The following PRMT2 variants were observed in gnomAD, a reference collection of about 807,000 sequenced individuals.
PRMT2 encodes protein arginine methyltransferase 2.
A neutral mutation model predicts 57.6 loss-of-function variants in PRMT2; 26 were observed. The ratio of observed to expected loss-of-function variants is 0.45; its 90% CI spans 0.33 to 0.63. The LOEUF is 0.63. Ranked by LOEUF, PRMT2 falls within the 20% of genes least tolerant of loss-of-function variation. The pLI is 0.02. For synonymous variants in PRMT2, 219 were observed against 220.0 expected, an observed-to-expected ratio of 1.00 and a Z score of 0.04; for missense variants, 472 against 564.4, an observed-to-expected ratio of 0.84 and a Z score of 1.66.
chr21:46,664,405 T>C lies in PRMT2; in HGVS notation c.*78T>C. The C allele has an allele frequency of 1.9e-6, 3 of 1,559,968 alleles. No homozygotes were observed. The highest frequency in any genetic ancestry group is 2.7e-6 in the Non-Finnish European group (3 of 1,131,854). ...ACAAGCAAACCAAGTTGCACCTGGC[T>C]TCTGCACACTCCTGCGAAAGTCGGT... On this transcript the variant is annotated 3_prime_UTR_variant, in exon 12 of 12. Coordinates refer to ENST00000355680, the MANE Select transcript of PRMT2 (RefSeq NM_206962.4).
At chr21:46,654,877 A>C (rs1440789588) in intron 7 of PRMT2, 1 of 983,914 alleles carries the variant, frequency 1.0e-6, no homozygotes, top group African/African-American at 1.7e-5. Context: ...TGTATTCCTG[A>C]AACAGTCTTG....
chr21:46,650,241 T>G (rs1218757279), intron 7 of PRMT2, among the ~76,000 whole-genome samples: 2 of 151,550 alleles, frequency 1.3e-5, no homozygotes, highest in African/African-American at 4.9e-5. Context: ...GCACAAACGC[T>G]GTCTGCTTGG....
At chr21:46,645,276 A>G (rs866855938) in intron 5 of PRMT2, among the ~76,000 whole-genome samples, 39 of 149,194 alleles carry the variant, frequency 2.6e-4, no homozygotes, top group African/African-American at 9.9e-4. Flanking sequence ...CAAAAAAAAA[A>G]AAAATAGAAA....
rs879331340 is a variant in PRMT2, at chr21:46,665,080, T to A, written c.*753T>A. The A allele has an allele frequency of 6.6e-6, 1 of 152,186 alleles. No individual in the cohort carries two copies. Among genetic ancestry groups the A allele is most frequent in the Non-Finnish European group, 1.5e-5 (1 of 68,024 alleles). 9.4% of individuals were successfully genotyped at this position (152,186 alleles called of 1,614,324 possible). A position where few individuals can be genotyped will look rare whatever the true frequency, so the allele number is the denominator to read the frequency against. ...CATCAGTAGATACATGTCCATAATT[T>A]TTTTTTGTATTGTTTTGATTTTTAT... is the stretch of plus-strand genomic sequence containing the variant. On this transcript the variant is annotated 3_prime_UTR_variant, in exon 12 of 12. Transcript: ENST00000355680.
In PRMT2 at chr21:46,649,233, C is replaced by T. The variant is rs2061411949; in HGVS notation, c.490-342C>T. 6.6e-6 allele frequency among the ~76,000 whole-genome samples: 1 copy of T among 152,184 alleles called. No homozygotes were observed. Among genetic ancestry groups the T allele is most frequent in the East Asian group, 1.9e-4 (1 of 5,192 alleles). Reference sequence around the variant, plus strand: ...GACAGGCCTCAGATGTGGCACAGACCAGCATTGTCACTTGGGTGCTAAGAA... The same window carrying T: ...GACAGGCCTCAGATGTGGCACAGACTAGCATTGTCACTTGGGTGCTAAGAA... On this transcript the variant is annotated intron_variant, in intron 6 of 11. Transcript: ENST00000355680. The surrounding 1 kb of genome is among the most constrained non-coding windows in gnomAD (Gnocchi z 4.8).
chr21:46,664,314 C>G lies in PRMT2; in HGVS notation c.1289C>G (p.Pro430Arg). 6.2e-7 allele frequency: 1 copy of G among 1,613,968 alleles called. No individual in the cohort carries two copies. Among genetic ancestry groups the G allele is most frequent in the Non-Finnish European group, 8.5e-7 (1 of 1,179,864 alleles). ...TTTCAGGTTGGAGAAAAAGTCTTCC[C>G]CATCTGGAGATGACAGTTGATGCTT... ...TSQKVGEKVF[P>R]IWR is the part of the protein sequence containing the mutation. The change falls in exon 12 of 12, where the codon CCC becomes CGC. Residue 430 changes from proline to arginine, a missense_variant. Pro to Arg is a moderately radical substitution (Grantham distance 103). Around this residue, in one of 2 missense-constraint regions of PRMT2, gnomAD observed 229 missense variants for 217.2 expected, o/e 1.05. Transcript: ENST00000355680.
chr21:46,652,701 T>C, intron 7 of PRMT2: 2 of 1,127,926 alleles, frequency 1.8e-6, no homozygotes, highest in Non-Finnish European at 2.2e-6. Flanking sequence ...AGCATTAAAA[T>C]TTTTTTGTTT....
At chr21:46,658,179 C>T (rs2061567491) in intron 7 of PRMT2, 1 of 152,418 alleles carries the variant, frequency 6.6e-6, no homozygotes, top group Non-Finnish European at 1.5e-5. Context: ...AAAGCCTGGC[C>T]TTTGAGGGCG....
At chr21:46,642,386 G>A (rs999488414) in intron 3 of PRMT2, among the ~76,000 whole-genome samples, 1 of 152,216 alleles carries the variant, frequency 6.6e-6, no homozygotes, top group Admixed American at 6.5e-5. Flanking sequence ...AAAATGTTCA[G>A]AGTTTATAAA....
At chr21:46,652,623 A>G in intron 7 of PRMT2, 1 of 985,288 alleles carries the variant, frequency 1.0e-6, no homozygotes, top group Non-Finnish European at 1.2e-6. Flanking sequence ...GTGCACCGCC[A>G]TGCCCTTTTT....
Position 46,652,099 on chromosome 21 carries a change from T to C in PRMT2, c.654+2360T>C, listed in dbSNP as rs2061468949. The C allele has an allele frequency of 2.4e-5, 37 of 1,541,276 alleles. No individual in the cohort carries two copies. In the South Asian group the frequency reaches 4.0e-4, roughly 17 times the overall value. On this transcript the variant is annotated intron_variant, in intron 7 of 11. Coordinates refer to ENST00000355680, the MANE Select transcript of PRMT2 (RefSeq NM_206962.4). The stretch of plus-strand genomic sequence containing the variant: ...TTTCAGTCAGTGCAGCAAGGGCATG[T>C]AGTTGTTCAGAGATGGTGCTGGAAC...
intron 3 of PRMT2, among the ~76,000 whole-genome samples, chr21:46,639,463 A>G (rs183001657): frequency 2.8e-3 from 430 of 151,488 alleles, no homozygotes; most frequent in Non-Finnish European, 4.5e-3. Flanking sequence ...AGATATATCT[A>G]TTTTTCCTTT....
chr21:46,659,068 T>A, intron 8 of PRMT2, 148 bp downstream of exon 8: 2 of 1,432,680 alleles, frequency 1.4e-6, no homozygotes, highest in Non-Finnish European at 1.8e-6. Flanking sequence ...GTTGTAGCAT[T>A]GGAGTAATTA....
At chr21:46,642,843 T>C (rs1355070573) in intron 3 of PRMT2, among the ~76,000 whole-genome samples, 1 of 152,112 alleles carries the variant, frequency 6.6e-6, no homozygotes, top group African/African-American at 2.4e-5. Context: ...GGCAACATGG[T>C]GAAACCCCAT....
At chr21:46,653,005 C>T (rs1163113055) in intron 7 of PRMT2, 1 of 1,187,404 alleles carries the variant, frequency 8.4e-7, no homozygotes. Flanking sequence ...ATCTCCATTG[C>T]ACATTTGGTA....
At chr21:46,645,957 T>G (rs1333532398) in intron 5 of PRMT2, among the ~76,000 whole-genome samples, 1 of 152,108 alleles carries the variant, frequency 6.6e-6, no homozygotes, top group Admixed American at 6.5e-5. Flanking sequence ...CAAGTGATCC[T>G]CCTGTCTCAG....
intron 5 of PRMT2, among the ~76,000 whole-genome samples, chr21:46,645,137 C>T (rs1271833504): frequency 6.7e-5 from 4 of 59,318 alleles, no homozygotes; most frequent in Non-Finnish European, 1.3e-4. Flanking sequence ...CATGGTGGTG[C>T]ACGCCTGTAG....
rs1374589121 is a variant in PRMT2 at position 46,648,283 on chromosome 21, C to T, written c.328-175C>T. The T allele has an allele frequency of 5.0e-6, 3 of 600,716 alleles. No individual in the cohort carries two copies. The highest frequency in any genetic ancestry group is 8.6e-6 in the Non-Finnish European group (3 of 347,138). 37.2% of individuals were successfully genotyped at this position (600,716 alleles called of 1,614,324 possible). ...GTTATAAGGGGGTGGGTGAAGTGTT[C>T]TCTAAATACCAATGAGATTAACTTG... On this transcript the variant is annotated intron_variant, in intron 5 of 11. Transcript: ENST00000355680. The surrounding 1 kb of genome is among the most constrained non-coding windows in gnomAD (Gnocchi z 4.8).
intron 9 of PRMT2, chr21:46,661,250 A>G (rs2061615379): frequency 7.9e-6 from 2 of 253,010 alleles, no homozygotes; most frequent in South Asian, 2.3e-4. Flanking sequence ...TTCAAAATCA[A>G]ATAAATTATA....
Sources: gnomAD v4.1 joint callset for allele counts (sites outside exome capture counted in the v4.1 genomes callset) on GRCh38, gnomAD v4.1.1 for gene constraint, gnomAD v4.1.1 regional missense constraint, Gnocchi (gnomAD v3.1) non-coding constraint, MANE v1.5 for transcripts, NCBI Gene and HGNC (gene_info 2026-07-23, HGNC 2026-07-21) for gene names.